The following FANCC variants were observed in gnomAD, a reference collection of about 807,000 sequenced individuals.
The protein encoded by FANCC is FA complementation group C.
Under a neutral mutation model 71.3 loss-of-function variants are expected in FANCC, and 55 were observed. The observed-to-expected ratio is 0.77, with a 90% CI of 0.62 to 0.97. The LOEUF (loss-of-function observed/expected upper bound fraction) is 0.97, where lower values mean the gene tolerates loss of function less well. Among genes scored for constraint, FANCC ranks in the 50% least tolerant of loss-of-function variants. FANCC has a pLI of 0.00. For synonymous variants in FANCC, 275 were observed against 244.9 expected, an observed-to-expected ratio of 1.12 and a Z score of -1.15; for missense variants, 678 against 670.9, an observed-to-expected ratio of 1.01 and a Z score of -0.12.
chr9:95,165,843 C>T (rs1393087122), intron 6 of FANCC, among the ~76,000 whole-genome samples: 1 of 151,910 alleles, frequency 6.6e-6, no homozygotes, highest in Non-Finnish European at 1.5e-5. Context: ...GGTCTTCAGT[C>T]TGGTTAATCA....
At chr9:95,293,552 G>A in intron 1 of FANCC, 1 of 1,612,826 alleles carries the variant, frequency 6.2e-7, no homozygotes. Context: ...ACACATGTCA[G>A]AAGAACGGCA....
intron 4 of FANCC, among the ~76,000 whole-genome samples, chr9:95,207,294 T>C (rs910410143): frequency 6.6e-6 from 1 of 151,664 alleles, no homozygotes; most frequent in Admixed American, 6.6e-5. Context: ...AAGAATTTTT[T>C]AAAAGATCCT....
chr9:95,294,300 T>G, intron 1 of FANCC: 1 of 1,583,374 alleles, frequency 6.3e-7, no homozygotes, highest in Non-Finnish European at 8.7e-7. Context: ...CTGAAGAGAG[T>G]GAACTTAGCA....
At chr9:95,263,275 C>T (rs1021407492) in intron 1 of FANCC, among the ~76,000 whole-genome samples, 1 of 152,034 alleles carries the variant, frequency 6.6e-6, no homozygotes, top group African/African-American at 2.4e-5. Flanking sequence ...CACCCAGCAG[C>T]CCTAAGCTCT....
At chr9:95,158,506 T>C (rs892669177) in intron 6 of FANCC, among the ~76,000 whole-genome samples, 4 of 152,186 alleles carry the variant, frequency 2.6e-5, no homozygotes, top group African/African-American at 9.7e-5. Flanking sequence ...ACATAATAGA[T>C]CACTATGGGT....
chr9:95,110,417 G>A (rs1218601391), intron 13 of FANCC: 4 of 1,024,880 alleles, frequency 3.9e-6, no homozygotes, highest in East Asian at 6.4e-5. Flanking sequence ...ACATCAACCA[G>A]GATTTTCCTT....
intron 10 of FANCC, among the ~76,000 whole-genome samples, chr9:95,121,301 G>C (rs915891111): frequency 1.3e-5 from 2 of 152,128 alleles, no homozygotes; most frequent in Non-Finnish European, 2.9e-5. Flanking sequence ...TATTGATGGA[G>C]CTGACTGTGT....
chr9:95,174,571 C>T lies in FANCC; in HGVS notation c.346-2424G>A, dbSNP rs956484082. On this transcript the variant is annotated intron_variant, in intron 4 of 14. Transcript: ENST00000289081. ...TTTTCTTCTTCTTTCTACTTAAGTA[C>T]AATTTCCTAGCCTTCCATACATGTA... Among the ~76,000 whole-genome samples the T allele has an allele frequency of 1.9e-3, 296 of 151,904 alleles. 5 individuals are homozygous for T. Among genetic ancestry groups the T allele is most frequent in the Non-Finnish European group, 2.8e-4 (19 of 67,970 alleles).
intron 4 of FANCC, among the ~76,000 whole-genome samples, chr9:95,182,531 T>C (rs1826441859): frequency 1.3e-5 from 2 of 152,060 alleles, no homozygotes; most frequent in Admixed American, 6.5e-5. Context: ...AAGAAAAACG[T>C]GCTTATAAAT....
chr9:95,294,437 T>G, intron 1 of FANCC: 1 of 1,604,714 alleles, frequency 6.2e-7, no homozygotes, highest in South Asian at 1.1e-5. Flanking sequence ...CTTGAGATGT[T>G]TGACAGACAA....
intron 14 of FANCC, 67 bp downstream of exon 14, chr9:95,106,999 A>T: frequency 6.6e-7 from 1 of 1,506,684 alleles, no homozygotes; most frequent in Non-Finnish European, 9.2e-7. Context: ...AGACCCTCGG[A>T]CAGGTAACCC....
chr9:95,175,737 G>A (rs1247850409), intron 4 of FANCC, among the ~76,000 whole-genome samples: 1 of 152,266 alleles, frequency 6.6e-6, no homozygotes, highest in Non-Finnish European at 1.5e-5. Context: ...ACAGCAGGGA[G>A]AGCACTTGGT....
chr9:95,216,962 T>C (rs1465114372), intron 4 of FANCC, among the ~76,000 whole-genome samples: 1 of 152,206 alleles, frequency 6.6e-6, no homozygotes, highest in Non-Finnish European at 1.5e-5. Flanking sequence ...CTTCGATAAT[T>C]ATCAACCATC....
At chr9:95,242,023 C>T (rs138522733) in intron 3 of FANCC, among the ~76,000 whole-genome samples, 46 of 152,284 alleles carry the variant, frequency 3.0e-4, no homozygotes, top group Middle Eastern at 6.8e-3. Flanking sequence ...CTCTAGTAAG[C>T]GACTTCTGTA....
intron 6 of FANCC, among the ~76,000 whole-genome samples, chr9:95,161,834 TTTC>T (rs1351755978): frequency 5.5e-5 from 4 of 72,322 alleles, no homozygotes; most frequent in African/African-American, 1.5e-4. Flanking sequence ...TTCTGCTTCT[TTTC>T]TTTTCTTTTT....
intron 3 of FANCC, among the ~76,000 whole-genome samples, chr9:95,244,337 T>A (rs755968490): frequency 6.6e-6 from 1 of 152,084 alleles, no homozygotes; most frequent in Non-Finnish European, 1.5e-5. Context: ...AAGCTCCTAA[T>A]GGGCAGAGAC....
At chr9:95,203,729 T>C (rs933801876) in intron 4 of FANCC, among the ~76,000 whole-genome samples, 5 of 152,244 alleles carry the variant, frequency 3.3e-5, no homozygotes, top group Non-Finnish European at 5.9e-5. Flanking sequence ...AAAATATGTT[T>C]TCCAAAACAA....
Position 95,277,492 on chromosome 9 carries a change from C to T in FANCC, c.-78-28123G>A, listed in dbSNP as rs924075886. ...TTGCACCCTATAAATATGCACATTA[C>T]GTGCCAATTAAAAATAAAATAATTT... On this transcript the variant is annotated intron_variant, in intron 1 of 14. Coordinates refer to ENST00000289081, the MANE Select transcript of FANCC (RefSeq NM_000136.3). 7.2e-5 allele frequency among the ~76,000 whole-genome samples: 11 copies of T among 152,184 alleles called. No individual in the cohort carries two copies. The South Asian group carries it at 8.3e-4, about 11-fold the overall frequency.
chr9:95,177,664 T>A (rs935822541), intron 4 of FANCC, among the ~76,000 whole-genome samples: 2 of 152,220 alleles, frequency 1.3e-5, no homozygotes, highest in Non-Finnish European at 2.9e-5. Flanking sequence ...TTTAATTTTT[T>A]AATTTTTTTT....
Sources: gnomAD v4.1 joint callset for allele counts (sites outside exome capture counted in the v4.1 genomes callset) on GRCh38, gnomAD v4.1.1 for gene constraint, MANE v1.5 for transcripts, NCBI Gene and HGNC (gene_info 2026-07-23, HGNC 2026-07-21) for gene names.